DNM3: variants seen among roughly 807,000 people sequenced by gnomAD.
DNM3 encodes the protein dynamin-3.
A neutral mutation model predicts 101.6 loss-of-function variants in DNM3; 47 were observed. The ratio of observed to expected loss-of-function variants is 0.46; its 90% CI spans 0.37 to 0.59. The LOEUF (loss-of-function observed/expected upper bound fraction) is 0.59. Among genes scored for constraint, DNM3 ranks in the 20% least tolerant of loss-of-function variants. The pLI is 0.00. For synonymous variants in DNM3, 385 were observed against 387.9 expected (o/e 0.99, Z 0.09); for missense variants, 849 against 1,085.7 (o/e 0.78, Z 3.06).
chr1:172,278,170 G>A (rs1337760307), intron 15 of DNM3, among the ~76,000 whole-genome samples: 13 of 152,022 alleles, frequency 8.6e-5, no homozygotes, highest in Admixed American at 5.9e-4. Flanking sequence ...TATGAAGAAT[G>A]CGCCAGTCTA....
Position 172,408,544 on chromosome 1 carries a change from T to C in DNM3, c.*703T>C. The C allele has an allele frequency of 1.0e-6, 1 of 985,322 alleles. No homozygotes were observed. Among genetic ancestry groups the C allele is most frequent in the Non-Finnish European group, 1.2e-6 (1 of 829,882 alleles). The allele number at this position is 985,322 out of a possible 1,614,324, so 61.0% of individuals were successfully genotyped here. On this transcript the variant is annotated 3_prime_UTR_variant, in exon 21 of 21. Transcript: ENST00000627582. ...TTTTTTTGTTAATCAGTCAATAAAT[T>C]TGGCTAATTAGTTTCAGAGTTCAAG...
chr1:172,014,908 G>T (rs986467135), intron 4 of DNM3, among the ~76,000 whole-genome samples: 2 of 152,058 alleles, frequency 1.3e-5, no homozygotes, highest in Non-Finnish European at 2.9e-5. Context: ...ACTTTTAGGA[G>T]TCTTTTCAGC....
At chr1:171,876,672 T>G (rs1177327671) in intron 1 of DNM3, among the ~76,000 whole-genome samples, 2 of 152,164 alleles carry the variant, frequency 1.3e-5, no homozygotes, top group African/African-American at 4.8e-5. Context: ...ATCAAACCTT[T>G]GTTGAAAAAA....
At chr1:172,304,075 A>G (rs1008493555) in intron 15 of DNM3, among the ~76,000 whole-genome samples, 2 of 151,884 alleles carry the variant, frequency 1.3e-5, no homozygotes, top group African/African-American at 4.8e-5. Context: ...ATTAAAAGAC[A>G]CAGACTGGCA....
At chr1:172,039,287 C>A (rs554807057) in intron 7 of DNM3, among the ~76,000 whole-genome samples, 5 of 152,106 alleles carry the variant, frequency 3.3e-5, no homozygotes, top group African/African-American at 7.2e-5. Context: ...CCTCTTATGG[C>A]GCACTTTTCT....
chr1:172,372,638 A>G (rs559284864), intron 17 of DNM3, among the ~76,000 whole-genome samples: 5 of 141,636 alleles, frequency 3.5e-5, no homozygotes, highest in African/African-American at 1.3e-4. Flanking sequence ...CTTTTGATTC[A>G]TTTGGCCCCC....
chr1:172,403,589 G>T (rs1309810054), intron 20 of DNM3, among the ~76,000 whole-genome samples: 1 of 152,076 alleles, frequency 6.6e-6, no homozygotes, highest in Non-Finnish European at 1.5e-5. Context: ...ATGAGCATTT[G>T]ACTTTCTTAC....
At chr1:172,233,126 T>C (rs1222522950) in intron 14 of DNM3, among the ~76,000 whole-genome samples, 2 of 151,952 alleles carry the variant, frequency 1.3e-5, no homozygotes, top group Non-Finnish European at 2.9e-5. Flanking sequence ...ATCAACAAAA[T>C]TGATAGACCA....
chr1:172,227,198 A>AC (rs2061156358), intron 14 of DNM3, among the ~76,000 whole-genome samples: 1 of 142,910 alleles, frequency 7.0e-6, no homozygotes, highest in South Asian at 2.2e-4. Context: ...TAGAATAATC[A>AC]CCCCCCAGTT....
intron 1 of DNM3, among the ~76,000 whole-genome samples, chr1:171,847,396 A>G (rs2032284867): frequency 6.6e-6 from 1 of 152,200 alleles, no homozygotes; most frequent in Non-Finnish European, 1.5e-5. Context: ...GCCTGCATGT[A>G]CTGAAGTATC....
At chr1:171,882,646 A>G (rs544728658) in intron 1 of DNM3, among the ~76,000 whole-genome samples, 32 of 152,298 alleles carry the variant, frequency 2.1e-4, no homozygotes, top group African/African-American at 7.2e-4. Context: ...CAAATAAGTC[A>G]TGACTACATA....
At chr1:171,846,416 G>A (rs78270873) in intron 1 of DNM3, among the ~76,000 whole-genome samples, 10,106 of 152,074 alleles carry the variant, frequency 0.066, 479 homozygotes, top group Non-Finnish European at 0.1. Flanking sequence ...AATGAAGTTG[G>A]GCAGTCACCC....
intron 14 of DNM3, among the ~76,000 whole-genome samples, chr1:172,212,941 G>A (rs569062364): frequency 6.6e-6 from 1 of 152,220 alleles, no homozygotes; most frequent in African/African-American, 2.4e-5. Context: ...AGAGATCGTC[G>A]TGTAGTCAAA....
intron 14 of DNM3, among the ~76,000 whole-genome samples, chr1:172,159,176 CA>C (rs1415598173): frequency 6.6e-6 from 1 of 151,788 alleles, no homozygotes; most frequent in Non-Finnish European, 1.5e-5. Context: ...TACTTAATGC[CA>C]AGCTATGCAA....
chr1:171,900,005 G>C (rs1006214782), intron 1 of DNM3, among the ~76,000 whole-genome samples: 21 of 152,222 alleles, frequency 1.4e-4, no homozygotes, highest in African/African-American at 5.1e-4. Flanking sequence ...GGAATATCCA[G>C]GCACTGCAAG....
intron 5 of DNM3, 37 bp downstream of exon 5, chr1:172,032,537 T>A: frequency 8.6e-7 from 1 of 1,163,214 alleles, no homozygotes. Context: ...TTTTTTTTTT[T>A]TTTTTTTTTT....
intron 1 of DNM3, among the ~76,000 whole-genome samples, chr1:171,916,696 A>G (rs1362246978): frequency 6.6e-6 from 1 of 152,164 alleles, no homozygotes; most frequent in African/African-American, 2.4e-5. Context: ...TTTCTATATA[A>G]TCCCCAGTGA....
intron 15 of DNM3, among the ~76,000 whole-genome samples, chr1:172,269,007 A>T (rs529863585): frequency 2.6e-5 from 4 of 152,312 alleles, no homozygotes; most frequent in African/African-American, 9.6e-5. Flanking sequence ...TATTTCAAAC[A>T]AATAGATTGA....
chr1:172,391,025 G>C (rs1418840374), intron 20 of DNM3, among the ~76,000 whole-genome samples: 1 of 152,202 alleles, frequency 6.6e-6, no homozygotes, highest in African/African-American at 2.4e-5. Flanking sequence ...GTTGCCGTTA[G>C]TATTTTCCAG....
Sources: allele counts gnomAD v4.1 joint callset (sites outside exome capture counted in the v4.1 genomes callset), GRCh38; gene constraint gnomAD v4.1.1; transcripts MANE v1.5; gene names NCBI Gene and HGNC (gene_info 2026-07-23, HGNC 2026-07-21).